The following PRKAR1B variants were observed in gnomAD, a reference collection of about 807,000 sequenced individuals.
PRKAR1B encodes the protein protein kinase cAMP-dependent type I regulatory subunit beta, also known as cAMP-dependent protein kinase type I-beta regulatory subunit.
A neutral mutation model predicts 46.5 loss-of-function variants in PRKAR1B; 22 were observed. The ratio of observed to expected loss-of-function variants is 0.47; its 90% CI spans 0.34 to 0.68. The LOEUF (loss-of-function observed/expected upper bound fraction) is 0.68. Ranked by LOEUF, PRKAR1B falls within the 30% of genes least tolerant of loss-of-function variation. The pLI is 0.01. For missense variants in PRKAR1B, 445 were observed against 535.6 expected, an observed-to-expected ratio of 0.83 and a Z score of 1.67; for synonymous variants, 259 against 217.7, an observed-to-expected ratio of 1.19 and a Z score of -1.67.
At chr7:675,619 T>C (rs1400547119) in intron 4 of PRKAR1B, among the ~76,000 whole-genome samples, 9 of 152,124 alleles carry the variant, frequency 5.9e-5, no homozygotes, top group Non-Finnish European at 1.3e-4. Context: ...TACTCCAAGA[T>C]GAAAACACAA....
At chr7:587,801 G>A (rs958047766) in intron 7 of PRKAR1B, among the ~76,000 whole-genome samples, 1 of 152,198 alleles carries the variant, frequency 6.6e-6, no homozygotes, top group Non-Finnish European at 1.5e-5. Flanking sequence ...AGAGGATGAA[G>A]GAAGGGAGAT....
At chr7:626,581 A>G (rs1783416599) in intron 4 of PRKAR1B, among the ~76,000 whole-genome samples, 1 of 152,256 alleles carries the variant, frequency 6.6e-6, no homozygotes, top group African/African-American at 2.4e-5. Context: ...TTAGGAAGAA[A>G]TAATACCAAT....
intron 9 of PRKAR1B, among the ~76,000 whole-genome samples, chr7:566,533 GCCA>G (rs1165746274): frequency 2.0e-4 from 8 of 39,934 alleles, no homozygotes; most frequent in African/African-American, 6.3e-4. Context: ...CATCATTATG[GCCA>G]CCACCATCAC....
intron 4 of PRKAR1B, among the ~76,000 whole-genome samples, 180 bp from the exon 5 acceptor site, chr7:607,632 A>G (rs1583293884): frequency 6.6e-6 from 1 of 152,346 alleles, no homozygotes; most frequent in South Asian, 2.1e-4. Context: ...CAGAGATGGC[A>G]CCGCCAGCCC....
chr7:677,146 C>A, intron 4 of PRKAR1B, 83 bp downstream of exon 4: 1 of 1,354,062 alleles, frequency 7.4e-7, no homozygotes, highest in Non-Finnish European at 1.1e-6. Flanking sequence ...GCAGTGATGC[C>A]CAGGCAAGTG....
intron 1 of PRKAR1B, among the ~76,000 whole-genome samples, chr7:722,207 T>A (rs1008000479): frequency 1.1e-4 from 16 of 149,506 alleles, no homozygotes; most frequent in Non-Finnish European, 2.4e-4. Flanking sequence ...TTCAGGCAAT[T>A]CTCGTGCCTC....
intron 4 of PRKAR1B, among the ~76,000 whole-genome samples, 157 bp downstream of exon 4, chr7:677,072 A>G (rs1778367915): frequency 6.6e-6 from 1 of 151,104 alleles, no homozygotes; most frequent in South Asian, 2.1e-4. Flanking sequence ...GAGGCCGGAG[A>G]AGGCAGCTGT....
chr7:632,852 C>CACAGGT lies in PRKAR1B; in HGVS notation c.441-25401_441-25400insACCTGT, dbSNP rs1268069110. Among the ~76,000 whole-genome samples, 10 of 15,554 alleles carry CACAGGT rather than the reference C, an allele frequency of 6.4e-4. No individual in the cohort carries two copies. In the South Asian group the frequency reaches 0.036, roughly 56 times the overall value. The allele number at this position is 15,554 out of a possible 152,430, so 10.2% of individuals were successfully genotyped here. A position where few individuals can be genotyped will look rare whatever the true frequency, so the allele number is the denominator to read the frequency against. ...GACTCTACGGGGCTGTGTGCCCAGC[C>CACAGGT]ACAGCCTCAAGGAGCCCCCGACGGC... is the stretch of plus-strand genomic sequence containing the variant. On this transcript the variant is annotated intron_variant, in intron 4 of 10. Coordinates refer to ENST00000537384, the MANE Select transcript of PRKAR1B (RefSeq NM_001164760.2).
chr7:680,757 G>C (rs769043190), intron 2 of PRKAR1B, 31 bp from the exon 3 acceptor site: 1 of 1,613,188 alleles, frequency 6.2e-7, no homozygotes, highest in Non-Finnish European at 8.5e-7. Flanking sequence ...CAGAAAGGAA[G>C]TAAGAACCTG....
chr7:715,938 G>C (rs6971375), intron 1 of PRKAR1B, among the ~76,000 whole-genome samples: 1 of 151,732 alleles, frequency 6.6e-6, no homozygotes, highest in African/African-American at 2.4e-5. Context: ...GATGGTCTCG[G>C]TCTCCTGACC....
At chr7:700,996 T>C (rs1448348999) in intron 2 of PRKAR1B, among the ~76,000 whole-genome samples, 1 of 152,096 alleles carries the variant, frequency 6.6e-6, no homozygotes, top group African/African-American at 2.4e-5. Flanking sequence ...GAGAGCAGCC[T>C]GGCCAACATG....
At chr7:605,241 C>G (rs1781947383) in intron 6 of PRKAR1B, among the ~76,000 whole-genome samples, 1 of 152,252 alleles carries the variant, frequency 6.6e-6, no homozygotes, top group Non-Finnish European at 1.5e-5. Context: ...GTCCTTCCCG[C>G]TGACTCCGCA....
chr7:699,911 T>C (rs1434156939), intron 2 of PRKAR1B, among the ~76,000 whole-genome samples: 1 of 151,970 alleles, frequency 6.6e-6, no homozygotes, highest in Non-Finnish European at 1.5e-5. Context: ...ATATGGAAAA[T>C]GGAGCTCGAG....
At chr7:646,625 A>G (rs1447008928) in intron 4 of PRKAR1B, among the ~76,000 whole-genome samples, 1 of 152,210 alleles carries the variant, frequency 6.6e-6, no homozygotes, top group Non-Finnish European at 1.5e-5. Flanking sequence ...CTTGTTTCCC[A>G]TAAAAACATC....
Position 706,422 on chromosome 7 carries a change from AT to A in PRKAR1B, c.177+4906del, listed in dbSNP as rs33963335. The stretch of plus-strand genomic sequence containing the variant: ...GCTGTGTTTTGCCATCAAATAAGGA[AT>A]TTTTTTTTTTTTTTTTTTGAGACGG... On this transcript the variant is annotated intron_variant, in intron 2 of 10. Coordinates refer to ENST00000537384, the MANE Select transcript of PRKAR1B (RefSeq NM_001164760.2). 1.3e-3 allele frequency among the ~76,000 whole-genome samples: 128 copies of A among 102,308 alleles called. 3 individuals are homozygous for A. The highest frequency in any genetic ancestry group is 1.7e-3 in the African/African-American group (45 of 25,858). 67.1% of individuals were successfully genotyped at this position (102,308 alleles called of 152,430 possible).
At chr7:693,034 A>T (rs1205203270) in intron 2 of PRKAR1B, among the ~76,000 whole-genome samples, 1 of 151,280 alleles carries the variant, frequency 6.6e-6, no homozygotes, top group Non-Finnish European at 1.5e-5. Flanking sequence ...TCCCGGTTTC[A>T]CACCTTTCTC....
intron 4 of PRKAR1B, among the ~76,000 whole-genome samples, chr7:642,690 G>A (rs568546775): frequency 0.012 from 1,817 of 147,250 alleles, 16 homozygotes; most frequent in South Asian, 0.02. Flanking sequence ...CCGAGATCCC[G>A]CCACTGCACT....
At chr7:574,848 C>A (rs970810018) in intron 9 of PRKAR1B, among the ~76,000 whole-genome samples, 9 of 152,206 alleles carry the variant, frequency 5.9e-5, no homozygotes, top group Non-Finnish European at 8.8e-5. Flanking sequence ...TGTCTCTGGG[C>A]CAGATTGAGC....
rs754541672 is a variant in PRKAR1B, at chr7:593,531, C to T, written c.708+2615G>A. ...GTTCCAGCCACAAAAATCCCCCAGC[C>T]GGGAGCGACAGGGCGTCAAGGATGG... On this transcript the variant is annotated intron_variant, in intron 7 of 10. Coordinates refer to ENST00000537384, the MANE Select transcript of PRKAR1B (RefSeq NM_001164760.2). The surrounding 1 kb of genome is among the most constrained non-coding windows in gnomAD (Gnocchi z 6.1). Among the ~76,000 whole-genome samples the T allele has an allele frequency of 2.8e-4, 42 of 152,186 alleles. No homozygotes were observed. Among genetic ancestry groups the T allele is most frequent in the Non-Finnish European group, 5.3e-4 (36 of 68,032 alleles).
Sources: allele counts gnomAD v4.1 joint callset (sites outside exome capture counted in the v4.1 genomes callset), GRCh38; gene constraint gnomAD v4.1.1; non-coding constraint Gnocchi (gnomAD v3.1); transcripts MANE v1.5; gene names NCBI Gene and HGNC (gene_info 2026-07-23, HGNC 2026-07-21).